The following UBR4 variants were observed in gnomAD, a reference collection of about 807,000 sequenced individuals.
UBR4 encodes the protein E3 ubiquitin-protein ligase UBR4.
UBR4 carries 124 observed loss-of-function variants against 575.6 expected under a neutral mutation model. That is an observed-to-expected ratio of 0.22 (90% CI 0.19 to 0.25). The LOEUF is 0.25. Among genes scored for constraint, UBR4 ranks in the 10% least tolerant of loss-of-function variants. The pLI, the probability that UBR4 is intolerant of heterozygous loss-of-function variation, is 1.00. For missense variants in UBR4, 4,818 were observed against 6,478.8 expected (o/e 0.74, Z 8.80); for synonymous variants, 2,455 against 2,473.7 (o/e 0.99, Z 0.22).
chr1:19,117,134 G>A lies in UBR4; in HGVS notation c.10823+87C>T. The A allele has an allele frequency of 2.0e-6, 3 of 1,481,058 alleles. No individual in the cohort carries two copies. Among genetic ancestry groups the A allele is most frequent in the Admixed American group, 3.5e-5 (2 of 57,486 alleles). 91.7% of individuals were successfully genotyped at this position (1,481,058 alleles called of 1,614,324 possible). On this transcript the variant is annotated intron_variant, in intron 73 of 105. Coordinates refer to ENST00000375254, the MANE Select transcript of UBR4 (RefSeq NM_020765.3). This position sits in a 1 kb window ranked among gnomAD's most constrained non-coding sequence, Gnocchi z 4.0. ...TGTATTAGGCCTCTAGGGATGTGCT[G>A]CCTTACTCCATTCCAGGAACCGAAG...
intron 33 of UBR4, among the ~76,000 whole-genome samples, 195 bp from the exon 34 acceptor site, chr1:19,164,022 G>C (rs2150623036): frequency 6.6e-6 from 1 of 152,172 alleles, no homozygotes; most frequent in South Asian, 2.1e-4. Context: ...TTAACACTTG[G>C]CATACTTTCC....
intron 1 of UBR4, among the ~76,000 whole-genome samples, chr1:19,208,131 C>G (rs1558051053): frequency 6.6e-6 from 1 of 152,196 alleles, no homozygotes; most frequent in African/African-American, 2.4e-5. Flanking sequence ...GACACATAGG[C>G]TTTCAAAGCT....
At chr1:19,084,268 G>T (rs1243052150) in intron 102 of UBR4, among the ~76,000 whole-genome samples, 1 of 152,230 alleles carries the variant, frequency 6.6e-6, no homozygotes, top group African/African-American at 2.4e-5. Flanking sequence ...TGCGGTCTTG[G>T]GCTGCCCATG....
intron 66 of UBR4, 119 bp downstream of exon 66, chr1:19,122,714 A>G (rs2081307290): frequency 8.7e-7 from 1 of 1,147,894 alleles, no homozygotes; most frequent in East Asian, 2.4e-5. Context: ...TCTCAGCCCT[A>G]ACCATGCCAT....
intron 102 of UBR4, 33 bp downstream of exon 102, chr1:19,084,471 C>T (rs777356491): frequency 8.3e-6 from 13 of 1,573,854 alleles, no homozygotes; most frequent in South Asian, 7.0e-5. Flanking sequence ...GGTGGGTCTG[C>T]GAGATGCCGC....
chr1:19,091,017 A>G (rs1281691861), intron 97 of UBR4, among the ~76,000 whole-genome samples: 1 of 151,052 alleles, frequency 6.6e-6, no homozygotes, highest in Admixed American at 6.6e-5. Context: ...AATCGCTTGA[A>G]CCCGGGAGGC....
At position 19,177,472 on chromosome 1, in the gene UBR4, G is replaced by C. The variant is rs1274568700; in HGVS notation, c.2626C>G (p.Leu876Val). Residue 876 changes from leucine (L) to valine (V), a missense_variant, in exon 19 of 106, where the codon CTA (leucine) becomes GTA (valine). Leu to Val is a conservative substitution (Grantham distance 32). This residue lies in a region of UBR4 where 1,172 missense variants were observed against 1,259.7 expected (regional missense o/e 0.93). Coordinates refer to ENST00000375254, the MANE Select transcript of UBR4 (RefSeq NM_020765.3). The stretch of plus-strand genomic sequence containing the variant: ...GTGTTGGTCTGTACCTGCTCAAATA[G>C]ATACACAGGGGCTTTGGAGTACTGA... ...LHQYSKAPVY[L>V]FEQVQHNLLS... is the part of the protein sequence containing the mutation. The C allele has an allele frequency of 1.2e-6, 2 of 1,614,032 alleles. No homozygotes were observed. Among genetic ancestry groups the C allele is most frequent in the East Asian group, 4.5e-5 (2 of 44,876 alleles).
At position 19,114,931 on chromosome 1, in the gene UBR4, T is replaced by C; in HGVS notation, c.11082A>G (p.Glu3694=). The C allele has an allele frequency of 1.2e-6, 2 of 1,614,234 alleles. No homozygotes were observed. Among genetic ancestry groups the C allele is most frequent in the East Asian group, 2.2e-5 (1 of 44,890 alleles). Residue 3694 remains glutamate, a synonymous_variant, in exon 75 of 106, where the codon GAA becomes GAG. Transcript: ENST00000375254. ...CHKCRSINYD[E]KDPFLCNACG... ...AGGCATTGCAGAGGAAGGGATCCTTTTCATCGTAGTTGATGGATCTGAGTA... is the reference window on the plus strand; with the variant it reads ...AGGCATTGCAGAGGAAGGGATCCTTCTCATCGTAGTTGATGGATCTGAGTA...
chr1:19,196,824 T>C (rs1336322737), intron 8 of UBR4, among the ~76,000 whole-genome samples: 2 of 152,230 alleles, frequency 1.3e-5, no homozygotes, highest in Non-Finnish European at 2.9e-5. Flanking sequence ...TGTAGGCTCC[T>C]TGAGGGCAGA....
At chr1:19,167,712 GA>G (rs2088752539) in intron 28 of UBR4, among the ~76,000 whole-genome samples, 1 of 152,156 alleles carries the variant, frequency 6.6e-6, no homozygotes, top group African/African-American at 2.4e-5. Context: ...TATGATTCTG[GA>G]GAAACGTTAT....
chr1:19,157,009 G>A lies in UBR4; in HGVS notation c.5761-84C>T. The A allele has an allele frequency of 1.4e-6, 2 of 1,464,792 alleles. No individual in the cohort carries two copies. Among genetic ancestry groups the A allele is most frequent in the East Asian group, 2.4e-5 (1 of 41,894 alleles). 90.7% of individuals were successfully genotyped at this position (1,464,792 alleles called of 1,614,324 possible). On this transcript the variant is annotated intron_variant, in intron 40 of 105. Coordinates refer to ENST00000375254, the MANE Select transcript of UBR4 (RefSeq NM_020765.3). This position sits in a 1 kb window ranked among gnomAD's most constrained non-coding sequence, Gnocchi z 4.4. ...CAAGTAACAAAAACTCTTTCAATAG[G>A]GATAACAGGTTGCACACTTTTTTCT...
Position 19,177,538 on chromosome 1 carries a change from T to A in UBR4, c.2560A>T (p.Ile854Phe). 6.2e-7 allele frequency: 1 copy of A among 1,613,914 alleles called. No individual in the cohort carries two copies. Among genetic ancestry groups the A allele is most frequent in the Non-Finnish European group, 8.5e-7 (1 of 1,180,010 alleles). The change falls in exon 19 of 106, where the codon ATC becomes TTC. Residue 854 changes from isoleucine to phenylalanine, a missense_variant. Physicochemically the swap from Ile to Phe is conservative, Grantham distance 21 (BLOSUM62 0). Transcript: ENST00000375254. ...MDAQMRFVPL[I>F]LARLLLIFDY... ...AAGATGAGAAGGAGGCGAGCCAAGATAAGCGGCACGAAGCGCATCTGAGCA... is the reference window on the plus strand; with the variant it reads ...AAGATGAGAAGGAGGCGAGCCAAGAAAAGCGGCACGAAGCGCATCTGAGCA...
chr1:19,118,921 G>A lies in UBR4; in HGVS notation c.10492C>T (p.Arg3498Trp), dbSNP rs1281129996. ...TTGGTAAGAATATGGTTTTGAGTCC[G>A]CAGAATCTCCACAGCCTTCTGTGAA... is the stretch of plus-strand genomic sequence containing the variant. ...EYSQKAVEILRTQNHILTNHP... is the reference protein window; with the variant it reads ...EYSQKAVEILWTQNHILTNHP... The change falls in exon 71 of 106, where the codon CGG becomes TGG. Residue 3498 changes from arginine to tryptophan, a missense_variant. Physicochemically the swap from Arg to Trp is moderately radical, Grantham distance 101. This residue lies in a region of UBR4 where 550 missense variants were observed against 791.5 expected (regional missense o/e 0.69). Transcript: ENST00000375254. 5.0e-6 allele frequency: 8 copies of A among 1,613,996 alleles called. No homozygotes were observed. Among genetic ancestry groups the A allele is most frequent in the Non-Finnish European group, 5.1e-6 (6 of 1,180,008 alleles).
At chr1:19,162,912 T>C (rs1244785692) in intron 34 of UBR4, among the ~76,000 whole-genome samples, 2 of 152,210 alleles carry the variant, frequency 1.3e-5, no homozygotes, top group African/African-American at 4.8e-5. Context: ...CTGATTAAAA[T>C]CATTCAAGAA....
rs2080731896 is a variant in UBR4 at position 19,117,961 on chromosome 1, C to T, written c.10542-51G>A. On this transcript the variant is annotated intron_variant, in intron 71 of 105. Transcript: ENST00000375254. This position sits in a 1 kb window ranked among gnomAD's most constrained non-coding sequence, Gnocchi z 4.0. ...GAACACATTTTCATCTTAGGAAGCA[C>T]TGAGTTTCACAAAAAAATCATGACA... 3.8e-6 allele frequency: 6 copies of T among 1,558,714 alleles called. No individual in the cohort carries two copies. The South Asian group carries it at 6.7e-5, about 17-fold the overall frequency.
chr1:19,205,302 A>C (rs1289945257), intron 1 of UBR4, among the ~76,000 whole-genome samples: 2 of 152,234 alleles, frequency 1.3e-5, no homozygotes, highest in Non-Finnish European at 2.9e-5. Flanking sequence ...TTTAGGAAGA[A>C]ATGGAATCTG....
At chr1:19,151,609 A>C in intron 48 of UBR4, 34 bp downstream of exon 48, 15 of 1,610,588 alleles carry the variant, frequency 9.3e-6, no homozygotes, top group African/African-American at 1.3e-5. Flanking sequence ...AGTCACAATG[A>C]GGACAGAGTC....
chr1:19,202,202 T>C (rs1024107241), intron 1 of UBR4, among the ~76,000 whole-genome samples: 8 of 151,952 alleles, frequency 5.3e-5, no homozygotes, highest in South Asian at 2.1e-4. Flanking sequence ...CAAAAAAAGA[T>C]TGGGAAGGTG....
At chr1:19,121,114 A>C in intron 68 of UBR4, 75 bp downstream of exon 68, 1 of 1,547,596 alleles carries the variant, frequency 6.5e-7, no homozygotes, top group Non-Finnish European at 8.7e-7. Context: ...ACCTTTTACA[A>C]CAGGACAAAC....
Sources: allele counts gnomAD v4.1 joint callset (sites outside exome capture counted in the v4.1 genomes callset), GRCh38; gene constraint gnomAD v4.1.1; regional missense constraint gnomAD v4.1.1; non-coding constraint Gnocchi (gnomAD v3.1); transcripts MANE v1.5; gene names NCBI Gene and HGNC (gene_info 2026-07-23, HGNC 2026-07-21).